ARMC7: variants seen among roughly 807,000 people sequenced by gnomAD.
The protein encoded by ARMC7 is armadillo repeat-containing protein 7.
In ARMC7, 9 loss-of-function variants were observed where a neutral mutation model predicts 14.8. That is an observed-to-expected ratio of 0.61 (90% CI 0.37 to 1.06). The LOEUF (loss-of-function observed/expected upper bound fraction) is 1.06. Ranked by LOEUF, ARMC7 falls within the 50% of genes least tolerant of loss-of-function variation. The pLI, the probability that ARMC7 is intolerant of heterozygous loss-of-function variation, is 0.01. For synonymous variants in ARMC7, 125 were observed against 123.4 expected, an observed-to-expected ratio of 1.01 and a Z score of -0.09; for missense variants, 262 against 267.1, an observed-to-expected ratio of 0.98 and a Z score of 0.13.
At chr17:75,112,575 T>TTTC (rs1555647524) in intron 2 of ARMC7, among the ~76,000 whole-genome samples, 11 of 36,952 alleles carry the variant, frequency 3.0e-4, no homozygotes, top group Non-Finnish European at 1.4e-3. Flanking sequence ...CTCTTTTTCT[T>TTTC]TTTTTTTTTT....
intron 2 of ARMC7, chr17:75,114,334 T>C: frequency 5.0e-6 from 2 of 399,540 alleles, no homozygotes; most frequent in Non-Finnish European, 8.9e-6. Context: ...GAGTCTTTCC[T>C]GCTGGCGTTT....
intron 2 of ARMC7, among the ~76,000 whole-genome samples, chr17:75,111,633 G>C (rs2145114305): frequency 6.6e-6 from 1 of 151,934 alleles, no homozygotes; most frequent in East Asian, 1.9e-4. Context: ...AGCTACTCAG[G>C]AGGCTGAGGT....
intron 2 of ARMC7, among the ~76,000 whole-genome samples, chr17:75,120,610 C>G (rs1199452363): frequency 6.6e-6 from 1 of 151,972 alleles, no homozygotes; most frequent in Non-Finnish European, 1.5e-5. Context: ...GTCAGGAGAT[C>G]AAGACCATCC....
chr17:75,127,740 G>T (rs959993569), intron 2 of ARMC7, among the ~76,000 whole-genome samples: 3 of 152,154 alleles, frequency 2.0e-5, no homozygotes, highest in Admixed American at 6.5e-5. Flanking sequence ...GACTACAGGC[G>T]TGTACCATCA....
chr17:75,117,510 A>G (rs115855429), intron 2 of ARMC7, among the ~76,000 whole-genome samples: 39 of 152,294 alleles, frequency 2.6e-4, no homozygotes, highest in African/African-American at 8.9e-4. Context: ...AAAGTTTTAA[A>G]TCAACACCAG....
intron 2 of ARMC7, among the ~76,000 whole-genome samples, chr17:75,112,894 C>T (rs2073938722): frequency 6.6e-6 from 1 of 152,108 alleles, no homozygotes; most frequent in Non-Finnish European, 1.5e-5. Context: ...ACCAGGAATG[C>T]AAATGTTCCC....
chr17:75,110,075 A>C lies in ARMC7; in HGVS notation c.-214A>C. The C allele has an allele frequency of 1.8e-6, 1 of 540,586 alleles. No individual in the cohort carries two copies. Among genetic ancestry groups the C allele is most frequent in the Non-Finnish European group, 3.2e-6 (1 of 308,522 alleles). The allele number at this position is 540,586 out of a possible 1,614,324, so 33.5% of individuals were successfully genotyped here. A position where few individuals can be genotyped will look rare whatever the true frequency, so the allele number is the denominator to read the frequency against. ...CGCCCCAATTTCGATTTTCAAACGC[A>C]ACTCCTACAGGATTCTGAGACCCCG... On this transcript the variant is annotated 5_prime_UTR_variant, in exon 1 of 3. Coordinates refer to ENST00000245543, the MANE Select transcript of ARMC7 (RefSeq NM_024585.4).
Position 75,128,946 on chromosome 17 carries a change from T to A in ARMC7, c.505T>A (p.Ser169Thr). Residue 169 changes from serine (S) to threonine (T), a missense_variant, in exon 3 of 3, where the codon TCC (serine) becomes ACC (threonine). By Grantham distance (58) the Ser-to-Thr change is moderately conservative. Transcript: ENST00000245543. Reference protein sequence around the residue: ...LAQIFLEDFCSPRQVAEARSR... With the variant: ...LAQIFLEDFCTPRQVAEARSR... ...ACAGATCTTCCTGGAGGACTTCTGC[T>A]CCCCCCGCCAGGTGGCCGAGGCCCG... 6.2e-7 allele frequency: 1 copy of A among 1,604,206 alleles called. No individual in the cohort carries two copies. The highest frequency in any genetic ancestry group is 8.5e-7 in the Non-Finnish European group (1 of 1,179,134).
At chr17:75,126,494 A>T (rs1016949749) in intron 2 of ARMC7, among the ~76,000 whole-genome samples, 1 of 151,816 alleles carries the variant, frequency 6.6e-6, no homozygotes, top group African/African-American at 2.4e-5. Flanking sequence ...CAAATGGTAC[A>T]CTCCTTACCA....
intron 2 of ARMC7, among the ~76,000 whole-genome samples, chr17:75,115,819 G>T (rs1158913723): frequency 2.6e-5 from 4 of 152,178 alleles, no homozygotes; most frequent in Admixed American, 6.6e-5. Context: ...TCTGTCAGAT[G>T]GGGACAGTGC....
rs1424049758 is a variant in ARMC7, at chr17:75,128,951, C to A, written c.510C>A (p.Pro170=). 2 of 1,605,704 alleles carry A rather than the reference C, an allele frequency of 1.2e-6. No homozygotes were observed. The highest frequency in any genetic ancestry group is 2.2e-5 in the East Asian group (1 of 44,852). ...AQIFLEDFCS[P]RQVAEARSRQ... is the part of the protein sequence containing the mutation. ...TCTTCCTGGAGGACTTCTGCTCCCC[C>A]CGCCAGGTGGCCGAGGCCCGCAGCC... Residue 170 remains proline (P), a synonymous_variant, in exon 3 of 3, where the codon CCC becomes CCA. Coordinates refer to ENST00000245543, the MANE Select transcript of ARMC7 (RefSeq NM_024585.4).
chr17:75,124,821 ATGTTAGCACT>A (rs2074039612), intron 2 of ARMC7, among the ~76,000 whole-genome samples: 1 of 151,868 alleles, frequency 6.6e-6, no homozygotes, highest in African/African-American at 2.4e-5. Context: ...AATGGGGGTG[ATGTTAGCACT>A]TGTTTCTAGG....
chr17:75,127,663 A>G (rs921301682), intron 2 of ARMC7, among the ~76,000 whole-genome samples: 3 of 151,736 alleles, frequency 2.0e-5, no homozygotes, highest in Non-Finnish European at 4.4e-5. Context: ...TGGTGCGTTC[A>G]TGGCTTACTG....
At chr17:75,120,596 C>G (rs534946884) in intron 2 of ARMC7, among the ~76,000 whole-genome samples, 1 of 151,926 alleles carries the variant, frequency 6.6e-6, no homozygotes, top group Non-Finnish European at 1.5e-5. Flanking sequence ...GGGCGGATCA[C>G]GAGGTCAGGA....
intron 2 of ARMC7, among the ~76,000 whole-genome samples, chr17:75,111,691 T>C (rs1013574955): frequency 6.8e-6 from 1 of 146,456 alleles, no homozygotes; most frequent in Non-Finnish European, 1.5e-5. Context: ...TGAGCTGGGA[T>C]TGGGCCACTG....
At chr17:75,114,889 G>A (rs1250715397) in intron 2 of ARMC7, 6 of 390,952 alleles carry the variant, frequency 1.5e-5, no homozygotes, top group Non-Finnish European at 1.8e-5. Context: ...TTTTCTTACT[G>A]CCGTCGTTTC....
chr17:75,116,372 A>G (rs1381411141), intron 2 of ARMC7, among the ~76,000 whole-genome samples: 2 of 152,190 alleles, frequency 1.3e-5, no homozygotes, highest in Non-Finnish European at 1.5e-5. Context: ...TGACGCTTGT[A>G]ATCCCAGCAC....
chr17:75,124,009 G>A (rs1334784399), intron 2 of ARMC7, among the ~76,000 whole-genome samples: 1 of 152,142 alleles, frequency 6.6e-6, no homozygotes, highest in African/African-American at 2.4e-5. Context: ...CAGTTTCCAC[G>A]TTGCTCTTTT....
chr17:75,125,070 C>T (rs533862179), intron 2 of ARMC7, among the ~76,000 whole-genome samples: 18 of 152,348 alleles, frequency 1.2e-4, no homozygotes, highest in African/African-American at 3.8e-4. Context: ...GGCCTGCTTG[C>T]CCTCTGCTGC....
Sources: allele counts gnomAD v4.1 joint callset (sites outside exome capture counted in the v4.1 genomes callset), GRCh38; gene constraint gnomAD v4.1.1; transcripts MANE v1.5; gene names NCBI Gene and HGNC (gene_info 2026-07-23, HGNC 2026-07-21).